The following NPLOC4 variants were observed in gnomAD, a reference collection of about 807,000 sequenced individuals.
NPLOC4 encodes the protein nuclear protein localization protein 4 homolog.
In NPLOC4, 18 loss-of-function variants were observed where a neutral mutation model predicts 80.6. The ratio of observed to expected loss-of-function variants is 0.22; its 90% CI spans 0.15 to 0.33. The LOEUF is 0.33. Among genes scored for constraint, NPLOC4 ranks in the 10% least tolerant of loss-of-function variants. The pLI, the probability that NPLOC4 is intolerant of heterozygous loss-of-function variation, is 1.00. For synonymous variants in NPLOC4, 313 were observed against 301.5 expected, an observed-to-expected ratio of 1.04 and a Z score of -0.39; for missense variants, 540 against 786.1, an observed-to-expected ratio of 0.69 and a Z score of 3.74.
chr17:81,574,876 A>AACAC lies in NPLOC4; in HGVS notation c.1282-2792_1282-2789dup, dbSNP rs71166157. Among the ~76,000 whole-genome samples, 230 of 149,030 alleles carry AACAC rather than the reference A, an allele frequency of 1.5e-3. 2 individuals are homozygous for AACAC. The highest frequency in any genetic ancestry group is 0.011 in the East Asian group (54 of 5,076). On this transcript the variant is annotated intron_variant, in intron 12 of 16. Transcript: ENST00000331134. ...AAGACTGTCTCCAAACAAACAAACAAACACACACACACACACACACACACA... is the reference window on the plus strand; with the variant it reads ...AAGACTGTCTCCAAACAAACAAACAAACACACACACACACACACACACACACACA...
chr17:81,586,223 T>C (rs2034578870), intron 12 of NPLOC4, among the ~76,000 whole-genome samples: 1 of 151,862 alleles, frequency 6.6e-6, no homozygotes, highest in Non-Finnish European at 1.5e-5. Flanking sequence ...AGGAAGTGAG[T>C]GCTGGGAGAT....
intron 12 of NPLOC4, among the ~76,000 whole-genome samples, chr17:81,583,885 C>T (rs1598634287): frequency 1.3e-5 from 2 of 151,968 alleles, no homozygotes; most frequent in African/African-American, 4.8e-5. Flanking sequence ...AAGAAAATAA[C>T]AAAAAAAATT....
chr17:81,578,470 G>A (rs981419259), intron 12 of NPLOC4, among the ~76,000 whole-genome samples: 1 of 152,192 alleles, frequency 6.6e-6, no homozygotes, highest in African/African-American at 2.4e-5. Context: ...GGTACGACTG[G>A]TCCGTTTTCT....
chr17:81,599,988 C>T (rs960718442), intron 9 of NPLOC4, among the ~76,000 whole-genome samples: 17 of 152,162 alleles, frequency 1.1e-4, no homozygotes, highest in Admixed American at 9.2e-4. Flanking sequence ...AAGGGACACA[C>T]ATGCACAGAG....
At chr17:81,574,229 C>T (rs2034233286) in intron 12 of NPLOC4, among the ~76,000 whole-genome samples, 1 of 152,220 alleles carries the variant, frequency 6.6e-6, no homozygotes, top group South Asian at 2.1e-4. Context: ...ATTTTTCCAG[C>T]ACCTGTTCAC....
chr17:81,628,988 C>T (rs2035866450), intron 2 of NPLOC4, among the ~76,000 whole-genome samples: 1 of 150,464 alleles, frequency 6.6e-6, no homozygotes. Context: ...ACATCATTCT[C>T]CTGCCTCAGC....
chr17:81,572,425 T>C lies in NPLOC4; in HGVS notation c.1282-337A>G, dbSNP rs1399294276. Among the ~76,000 whole-genome samples the C allele has an allele frequency of 6.6e-6, 1 of 152,068 alleles. No individual in the cohort carries two copies. Among genetic ancestry groups the C allele is most frequent in the East Asian group, 1.9e-4 (1 of 5,178 alleles). On this transcript the variant is annotated intron_variant, in intron 12 of 16. Coordinates refer to ENST00000331134, the MANE Select transcript of NPLOC4 (RefSeq NM_017921.4). The surrounding 1 kb of genome is among the most constrained non-coding windows in gnomAD (Gnocchi z 4.5). Reference sequence around the variant, plus strand: ...CCAGGATGGTCTCGATCTCCTGACCTCGTGATCCACCCGCCTCAGCCCCCC... The same window carrying C: ...CCAGGATGGTCTCGATCTCCTGACCCCGTGATCCACCCGCCTCAGCCCCCC...
Position 81,559,426 on chromosome 17 carries a change from G to A in NPLOC4, c.1670-10C>T, listed in dbSNP as rs1213694560. 4.4e-6 allele frequency: 7 copies of A among 1,606,282 alleles called. No homozygotes were observed. Among genetic ancestry groups the A allele is most frequent in the East Asian group, 2.2e-5 (1 of 44,686 alleles). On this transcript the variant is annotated splice_polypyrimidine_tract_variant and intron_variant, in intron 16 of 16. Coordinates refer to ENST00000331134, the MANE Select transcript of NPLOC4 (RefSeq NM_017921.4). Reference sequence around the variant, plus strand: ...TGCCCGCCAACTGTGCCTGCAGGGTGGAAGAGAAATGAGCACTCATCATTT... The same window carrying A: ...TGCCCGCCAACTGTGCCTGCAGGGTAGAAGAGAAATGAGCACTCATCATTT...
intron 3 of NPLOC4, among the ~76,000 whole-genome samples, chr17:81,618,256 G>A (rs866041937): frequency 6.7e-6 from 1 of 149,074 alleles, no homozygotes; most frequent in Non-Finnish European, 1.5e-5. Flanking sequence ...AGTGAGGAGC[G>A]TCTCTGCCCG....
At chr17:81,606,851 T>A in intron 6 of NPLOC4, 37 bp from the exon 7 acceptor site, 1 of 1,594,234 alleles carries the variant, frequency 6.3e-7, no homozygotes, top group African/African-American at 1.3e-5. Context: ...ATCACATTGG[T>A]GAAAAGTTGA....
intron 3 of NPLOC4, among the ~76,000 whole-genome samples, chr17:81,620,667 T>C (rs1265973458): frequency 6.6e-6 from 1 of 151,876 alleles, no homozygotes; most frequent in African/African-American, 2.4e-5. Context: ...CGTATTTTGT[T>C]TAATAATTAA....
In NPLOC4 at chr17:81,580,381, T is replaced by C. The variant is rs2034406487; in HGVS notation, c.1282-8293A>G. ...CAGCCATCTCTACTCTCTACCCTAG[T>C]CTCCTTTTCCAGCTCCGAGCCCAGC... On this transcript the variant is annotated intron_variant, in intron 12 of 16. Coordinates refer to ENST00000331134, the MANE Select transcript of NPLOC4 (RefSeq NM_017921.4). This position sits in a 1 kb window ranked among gnomAD's most constrained non-coding sequence, Gnocchi z 4.4. Among the ~76,000 whole-genome samples the C allele has an allele frequency of 6.6e-6, 1 of 151,916 alleles. No individual in the cohort carries two copies. The highest frequency in any genetic ancestry group is 1.5e-5 in the Non-Finnish European group (1 of 67,956).
intron 12 of NPLOC4, among the ~76,000 whole-genome samples, chr17:81,587,651 A>G (rs553719916): frequency 1.4e-5 from 2 of 146,332 alleles, no homozygotes; most frequent in Admixed American, 1.4e-4. Context: ...AAAAAAAGGA[A>G]AAAAGAAACA....
At chr17:81,595,972 TAAAAAG>T (rs2034899479) in intron 11 of NPLOC4, 138 bp downstream of exon 11, 3 of 799,138 alleles carry the variant, frequency 3.8e-6, no homozygotes, top group Non-Finnish European at 5.7e-6. Context: ...ATTTTTACCA[TAAAAAG>T]AAAGGAGGAA....
intron 12 of NPLOC4, among the ~76,000 whole-genome samples, chr17:81,587,274 G>T (rs1176237585): frequency 2.0e-5 from 3 of 152,194 alleles, no homozygotes; most frequent in African/African-American, 7.2e-5. Context: ...AGGAGTTCAA[G>T]ATCAACCTGG....
chr17:81,632,705 A>G (rs1174538649), intron 1 of NPLOC4, among the ~76,000 whole-genome samples: 3 of 152,212 alleles, frequency 2.0e-5, no homozygotes, highest in Admixed American at 6.6e-5. Context: ...CATTATGCAG[A>G]TGAAAACTGT....
At chr17:81,586,634 A>G (rs2034588413) in intron 12 of NPLOC4, among the ~76,000 whole-genome samples, 2 of 151,962 alleles carry the variant, frequency 1.3e-5, no homozygotes, top group Non-Finnish European at 2.9e-5. Context: ...GATGCTTGCA[A>G]AAGTTTTAAG....
At chr17:81,609,479 T>A (rs1250191393) in intron 5 of NPLOC4, among the ~76,000 whole-genome samples, 6 of 152,100 alleles carry the variant, frequency 3.9e-5, no homozygotes, top group Non-Finnish European at 8.8e-5. Context: ...GCTAATTTTT[T>A]AAATTTTTTG....
At chr17:81,563,698 T>C (rs1194695173) in intron 16 of NPLOC4, 3 of 305,364 alleles carry the variant, frequency 9.8e-6, no homozygotes, top group African/African-American at 4.6e-5. Context: ...CAAGGAATGC[T>C]TGAGGCCAAA....
Sources: gnomAD v4.1 joint callset for allele counts (sites outside exome capture counted in the v4.1 genomes callset) on GRCh38, gnomAD v4.1.1 for gene constraint, Gnocchi (gnomAD v3.1) non-coding constraint, MANE v1.5 for transcripts, NCBI Gene and HGNC (gene_info 2026-07-23, HGNC 2026-07-21) for gene names.